ADGRB3: variants seen among roughly 807,000 people sequenced by gnomAD.
ADGRB3 encodes brain-specific angiogenesis inhibitor 3.
Under a neutral mutation model 193.4 loss-of-function variants are expected in ADGRB3, and 37 were observed. That is an observed-to-expected ratio of 0.19 (90% CI 0.15 to 0.25). The LOEUF (loss-of-function observed/expected upper bound fraction) is 0.25. Ranked by LOEUF, ADGRB3 falls within the 10% of genes least tolerant of loss-of-function variation. ADGRB3 has a pLI of 1.00. For missense variants in ADGRB3, 1,637 were observed against 1,852.9 expected, an observed-to-expected ratio of 0.88 and a Z score of 2.14; for synonymous variants, 690 against 644.2, an observed-to-expected ratio of 1.07 and a Z score of -1.08.
intron 17 of ADGRB3, among the ~76,000 whole-genome samples, chr6:69,100,659 A>G (rs1232209551): frequency 6.6e-6 from 1 of 152,008 alleles, no homozygotes; most frequent in Non-Finnish European, 1.5e-5. Context: ...TACTATTCCA[A>G]TTGCTAGAAG....
chr6:69,034,821 A>G (rs1301309359), intron 13 of ADGRB3, among the ~76,000 whole-genome samples: 1 of 151,764 alleles, frequency 6.6e-6, no homozygotes, highest in Non-Finnish European at 1.5e-5. Flanking sequence ...GGTAAATTTT[A>G]TATAGTTAAA....
intron 17 of ADGRB3, among the ~76,000 whole-genome samples, chr6:69,154,050 T>C (rs938827097): frequency 6.6e-6 from 1 of 152,130 alleles, no homozygotes; most frequent in African/African-American, 2.4e-5. Context: ...TATATCAAAA[T>C]GAGTTGAAAT....
chr6:69,035,710 T>C (rs1770848619), intron 13 of ADGRB3, among the ~76,000 whole-genome samples: 1 of 152,136 alleles, frequency 6.6e-6, no homozygotes, highest in South Asian at 2.1e-4. Context: ...TAGTGAGTTG[T>C]TTTAATTTAG....
At chr6:69,192,709 G>A (rs1765219227) in intron 17 of ADGRB3, among the ~76,000 whole-genome samples, 1 of 152,054 alleles carries the variant, frequency 6.6e-6, no homozygotes, top group South Asian at 2.1e-4. Flanking sequence ...TTCTTCTTGT[G>A]AGATCTTGCT....
chr6:69,043,254 G>A (rs7764590), intron 13 of ADGRB3, among the ~76,000 whole-genome samples: 4 of 101,320 alleles, frequency 3.9e-5, no homozygotes, highest in African/African-American at 3.9e-5. Context: ...AGAAGAAAGA[G>A]AGAAAGAAAG....
At chr6:69,375,647 G>A (rs1458574192) in intron 30 of ADGRB3, among the ~76,000 whole-genome samples, 2 of 152,054 alleles carry the variant, frequency 1.3e-5, no homozygotes, top group East Asian at 1.9e-4. Flanking sequence ...TCTGTCTTGT[G>A]TCGAGATTTG....
chr6:68,924,147 T>C (rs558731846), intron 3 of ADGRB3, among the ~76,000 whole-genome samples: 22 of 152,212 alleles, frequency 1.4e-4, no homozygotes, highest in African/African-American at 5.3e-4. Context: ...CTATTACTGC[T>C]GATTTATAAG....
intron 17 of ADGRB3, among the ~76,000 whole-genome samples, chr6:69,082,340 A>G (rs1284719801): frequency 1.3e-5 from 2 of 152,064 alleles, no homozygotes; most frequent in African/African-American, 4.8e-5. Flanking sequence ...GAGGATCAAT[A>G]TCTCCATTAG....
At chr6:68,644,921 A>C (rs2127277543) in intron 3 of ADGRB3, among the ~76,000 whole-genome samples, 1 of 152,306 alleles carries the variant, frequency 6.6e-6, no homozygotes, top group African/African-American at 2.4e-5. Context: ...AGATTAATGT[A>C]CTTCAAGTTC....
chr6:69,145,121 G>A (rs768649525), intron 17 of ADGRB3, among the ~76,000 whole-genome samples: 83 of 152,188 alleles, frequency 5.5e-4, no homozygotes, highest in Non-Finnish European at 6.5e-4. Flanking sequence ...TTTTGCTTGC[G>A]CCCACTGGGC....
intron 26 of ADGRB3, among the ~76,000 whole-genome samples, chr6:69,348,874 G>A (rs979512848): frequency 2.6e-5 from 4 of 152,250 alleles, no homozygotes; most frequent in Admixed American, 6.5e-5. Context: ...GGAAATTATG[G>A]TACAGCCACT....
intron 3 of ADGRB3, among the ~76,000 whole-genome samples, chr6:68,867,432 G>C (rs1765327779): frequency 6.6e-6 from 1 of 152,212 alleles, no homozygotes; most frequent in African/African-American, 2.4e-5. Context: ...TGGATATCCA[G>C]GCAGATGTCT....
chr6:69,075,937 T>G (rs1772216401), intron 16 of ADGRB3, 58 bp from the exon 17 acceptor site: 1 of 1,301,424 alleles, frequency 7.7e-7, no homozygotes, highest in South Asian at 1.2e-5. Context: ...ACATAATCCC[T>G]CAATCTTTTT....
In ADGRB3 at chr6:68,737,758, G is replaced by A. The variant is rs116273738; in HGVS notation, c.757+98326G>A. ...GCTTCCTATAAATGACTCTTCCAAA[G>A]GAAAGCCAAAAAAAAGGTTAGACTG... On this transcript the variant is annotated intron_variant, in intron 3 of 31. Transcript: ENST00000370598. Among the ~76,000 whole-genome samples, 304 of 151,868 alleles carry A rather than the reference G, an allele frequency of 2.0e-3. 3 individuals are homozygous for A. Among genetic ancestry groups the A allele is most frequent in the African/African-American group, 7.1e-3 (294 of 41,428 alleles).
chr6:69,146,175 C>G (rs971934222), intron 17 of ADGRB3, among the ~76,000 whole-genome samples: 1 of 152,144 alleles, frequency 6.6e-6, no homozygotes, highest in African/African-American at 2.4e-5. Context: ...TCAGCCCTCC[C>G]CTCAGCTTTA....
intron 10 of ADGRB3, among the ~76,000 whole-genome samples, chr6:68,982,880 C>T (rs1045014299): frequency 6.6e-6 from 1 of 152,110 alleles, no homozygotes; most frequent in African/African-American, 2.4e-5. Context: ...AATTCTTACC[C>T]AGAATTAAGA....
At chr6:69,246,178 A>G (rs1268769736) in intron 20 of ADGRB3, among the ~76,000 whole-genome samples, 1 of 152,260 alleles carries the variant, frequency 6.6e-6, no homozygotes, top group Non-Finnish European at 1.5e-5. Context: ...CATAGCCTTA[A>G]AAAGAAATGT....
intron 3 of ADGRB3, among the ~76,000 whole-genome samples, chr6:68,748,158 C>T (rs1260054250): frequency 2.6e-5 from 4 of 152,094 alleles, no homozygotes. Flanking sequence ...CACAGCCAAG[C>T]AGTATCATTC....
At chr6:68,947,168 A>G (rs1767795751) in intron 6 of ADGRB3, among the ~76,000 whole-genome samples, 1 of 152,030 alleles carries the variant, frequency 6.6e-6, no homozygotes, top group Non-Finnish European at 1.5e-5. Context: ...CATAAACATA[A>G]CGTGGTCTAT....
Sources: gnomAD v4.1 joint callset for allele counts (sites outside exome capture counted in the v4.1 genomes callset) on GRCh38, gnomAD v4.1.1 for gene constraint, MANE v1.5 for transcripts, NCBI Gene and HGNC (gene_info 2026-07-23, HGNC 2026-07-21) for gene names.